The following UTRN variants were observed in gnomAD, a reference collection of about 807,000 sequenced individuals.
The protein encoded by UTRN is dystrophin-related protein 1.
In UTRN, 283 loss-of-function variants were observed where a neutral mutation model predicts 463.9. That is an observed-to-expected ratio of 0.61 (90% CI 0.55 to 0.67). The LOEUF is 0.67. UTRN is among the 30% of genes least tolerant of loss of function. UTRN has a pLI of 0.00. For missense variants in UTRN, 3,922 were observed against 4,084.3 expected, an observed-to-expected ratio of 0.96 and a Z score of 1.08; for synonymous variants, 1,442 against 1,431.5, an observed-to-expected ratio of 1.01 and a Z score of -0.17.
intron 25 of UTRN, among the ~76,000 whole-genome samples, chr6:144,479,360 C>G (rs888118217): frequency 1.3e-5 from 2 of 152,090 alleles, no homozygotes; most frequent in African/African-American, 4.8e-5. Flanking sequence ...CTCAGGTGAT[C>G]CCCCTGCCGT....
At chr6:144,633,454 G>T (rs1042929349) in intron 51 of UTRN, among the ~76,000 whole-genome samples, 3 of 151,682 alleles carry the variant, frequency 2.0e-5, no homozygotes, top group African/African-American at 7.3e-5. Context: ...GAATGATCTC[G>T]ATCTCCTGAC....
intron 51 of UTRN, among the ~76,000 whole-genome samples, chr6:144,672,130 T>C (rs1393642717): frequency 2.0e-5 from 3 of 152,076 alleles, no homozygotes; most frequent in African/African-American, 7.2e-5. Context: ...TTTTTTGTTA[T>C]GTCCTTTTCT....
chr6:144,431,412 C>A (rs574882591), intron 9 of UTRN, among the ~76,000 whole-genome samples: 1 of 152,172 alleles, frequency 6.6e-6, no homozygotes, highest in South Asian at 2.1e-4. Context: ...GGCTGAATTA[C>A]GTTAATTGAA....
In UTRN at chr6:144,447,222, A is replaced by C; in HGVS notation, c.1626A>C (p.Lys542Asn). The change falls in exon 15 of 75, where the codon AAA (lysine) becomes AAC (asparagine). Residue 542 changes from lysine to asparagine, a missense_variant. Coordinates refer to ENST00000367545, the MANE Select transcript of UTRN (RefSeq NM_007124.3). ...GTTATTACTTGTAGTGCTTGTTGAAAGCTTGGTTAACCGAAAAAGAAGAGG... is the reference window on the plus strand; with the variant it reads ...GTTATTACTTGTAGTGCTTGTTGAACGCTTGGTTAACCGAAAAAGAAGAGG... ...QELLEEQCLL[K>N]AWLTEKEEAL... 1 of 1,613,858 alleles carries C rather than the reference A, an allele frequency of 6.2e-7. No individual in the cohort carries two copies. Among genetic ancestry groups the C allele is most frequent in the Non-Finnish European group, 8.5e-7 (1 of 1,179,836 alleles).
At chr6:144,358,388 T>A (rs567281096) in intron 2 of UTRN, among the ~76,000 whole-genome samples, 1 of 152,238 alleles carries the variant, frequency 6.6e-6, no homozygotes, top group African/African-American at 2.4e-5. Context: ...TTTAGCTGAA[T>A]TGAAATTTGA....
intron 69 of UTRN, among the ~76,000 whole-genome samples, chr6:144,834,076 C>T (rs1002139565): frequency 1.3e-5 from 2 of 152,156 alleles, no homozygotes; most frequent in Non-Finnish European, 2.9e-5. Context: ...GCTGCGTTTT[C>T]TCAGGAAAGG....
chr6:144,595,696 C>T (rs1022587615), intron 51 of UTRN, among the ~76,000 whole-genome samples: 2 of 152,116 alleles, frequency 1.3e-5, no homozygotes, highest in Non-Finnish European at 2.9e-5. Flanking sequence ...TTAGGGCAGC[C>T]ATAATTTTAA....
intron 52 of UTRN, among the ~76,000 whole-genome samples, chr6:144,690,808 G>C (rs530082981): frequency 4.6e-5 from 7 of 152,126 alleles, no homozygotes; most frequent in Admixed American, 2.0e-4. Context: ...GGATTGCCAG[G>C]TTCCCCGGTG....
At chr6:144,433,860 T>C (rs1584767835) in intron 9 of UTRN, among the ~76,000 whole-genome samples, 2 of 132,826 alleles carry the variant, frequency 1.5e-5, no homozygotes, top group Admixed American at 1.6e-4. Flanking sequence ...CTTTCCAGAC[T>C]GGGCAGCCAG....
intron 50 of UTRN, among the ~76,000 whole-genome samples, chr6:144,571,624 T>A (rs1243560813): frequency 6.6e-6 from 1 of 152,220 alleles, no homozygotes; most frequent in East Asian, 1.9e-4. Flanking sequence ...CATTGAATTT[T>A]AGGTAAATAC....
chr6:144,781,436 T>C (rs1462743166), intron 60 of UTRN, among the ~76,000 whole-genome samples: 1 of 152,198 alleles, frequency 6.6e-6, no homozygotes, highest in Non-Finnish European at 1.5e-5. Context: ...AAATTTTGTA[T>C]GTAATGATGT....
Position 144,700,217 on chromosome 6 carries a change from T to C in UTRN, c.7783T>C (p.Leu2595=). ...GCCTATTGGAGGAGATGTTCCAGCC[T>C]TACAGCTCCAGTATGACCATTGTAA... ...QMPIGGDVPA[L]QLQYDHCKAL... The change falls in exon 53 of 75, where the codon TTA becomes CTA. Residue 2595 remains leucine, a synonymous_variant. Transcript: ENST00000367545. The C allele has an allele frequency of 6.2e-7, 1 of 1,613,362 alleles. No homozygotes were observed. The highest frequency in any genetic ancestry group is 8.5e-7 in the Non-Finnish European group (1 of 1,179,500).
intron 51 of UTRN, among the ~76,000 whole-genome samples, chr6:144,635,012 C>G (rs1211804568): frequency 6.6e-6 from 1 of 151,748 alleles, no homozygotes; most frequent in East Asian, 1.9e-4. Flanking sequence ...TTTTATTCCT[C>G]TTGAGTAGAA....
At chr6:144,382,918 T>C (rs1781060092) in intron 2 of UTRN, among the ~76,000 whole-genome samples, 1 of 152,148 alleles carries the variant, frequency 6.6e-6, no homozygotes, top group African/African-American at 2.4e-5. Context: ...TTATAGGACA[T>C]GTCAGGCTTA....
chr6:144,798,141 G>T, intron 64 of UTRN, 151 bp downstream of exon 64: 2 of 1,031,688 alleles, frequency 1.9e-6, no homozygotes, highest in Non-Finnish European at 2.7e-6. Context: ...TCTAAAAGTA[G>T]CATTTCTTTT....
intron 13 of UTRN, 65 bp from the exon 14 acceptor site, chr6:144,444,216 T>G: frequency 7.9e-7 from 1 of 1,271,968 alleles, no homozygotes; most frequent in South Asian, 1.4e-5. Flanking sequence ...CATGAATTTC[T>G]TCAAGGATTG....
At position 144,726,925 on chromosome 6, in the gene UTRN, T is replaced by G. The variant is rs117066593; in HGVS notation, c.7810-3432T>G. 1.8e-3 allele frequency among the ~76,000 whole-genome samples: 270 copies of G among 152,322 alleles called. 6 individuals carry two copies. The East Asian group carries it at 0.041, about 23-fold the overall frequency. On this transcript the variant is annotated intron_variant, in intron 53 of 74. Transcript: ENST00000367545. ...AAAGTATCCTTTCTATAGACCAATATGTACATATTTCCATTTCAATTTTTG... is the reference window on the plus strand; with the variant it reads ...AAAGTATCCTTTCTATAGACCAATAGGTACATATTTCCATTTCAATTTTTG...
intron 3 of UTRN, among the ~76,000 whole-genome samples, chr6:144,406,561 T>G (rs879445899): frequency 3.3e-5 from 5 of 152,082 alleles, no homozygotes; most frequent in Non-Finnish European, 5.9e-5. Flanking sequence ...GAGATGGGGT[T>G]TCACCATGTT....
chr6:144,775,577 G>A (rs550066025), intron 60 of UTRN, among the ~76,000 whole-genome samples: 1 of 152,274 alleles, frequency 6.6e-6, no homozygotes, highest in East Asian at 1.9e-4. Context: ...AGTAAATTAC[G>A]AACACACAAA....
Sources: gnomAD v4.1 joint callset for allele counts (sites outside exome capture counted in the v4.1 genomes callset) on GRCh38, gnomAD v4.1.1 for gene constraint, MANE v1.5 for transcripts, NCBI Gene and HGNC (gene_info 2026-07-23, HGNC 2026-07-21) for gene names.